The following HORMAD2 variants were observed in gnomAD, a reference collection of about 807,000 sequenced individuals.
HORMAD2 encodes the protein HORMA domain containing 2.
A neutral mutation model predicts 38.8 loss-of-function variants in HORMAD2; 45 were observed. That is an observed-to-expected ratio of 1.16 (90% confidence interval 0.91 to 1.49). HORMAD2 has a LOEUF of 1.49. Ranked by LOEUF, HORMAD2 falls within the 40% of genes most tolerant of loss-of-function variation. The pLI is 0.00. For synonymous variants in HORMAD2, 126 were observed against 122.8 expected (o/e 1.03, Z -0.17); for missense variants, 338 against 367.0 (o/e 0.92, Z 0.65).
intron 10 of HORMAD2, among the ~76,000 whole-genome samples, chr22:30,141,474 G>A: frequency 6.6e-6 from 1 of 152,042 alleles, no homozygotes; most frequent in South Asian, 2.1e-4. Context: ...CACCTGAGCA[G>A]TATACACTGT....
chr22:30,106,034 A>T (rs1372419944), intron 5 of HORMAD2, among the ~76,000 whole-genome samples: 1 of 152,100 alleles, frequency 6.6e-6, no homozygotes, highest in Non-Finnish European at 1.5e-5. Flanking sequence ...AGTGTGTGGC[A>T]GAGTCTTACT....
chr22:30,103,918 C>G (rs994061508), intron 4 of HORMAD2, among the ~76,000 whole-genome samples: 1 of 151,560 alleles, frequency 6.6e-6, no homozygotes, highest in Non-Finnish European at 1.5e-5. Flanking sequence ...CCTTGGCCCC[C>G]CAAAGTGCTG....
chr22:30,167,735 C>T (rs1481344797), intron 10 of HORMAD2, among the ~76,000 whole-genome samples: 1 of 152,158 alleles, frequency 6.6e-6, no homozygotes, highest in African/African-American at 2.4e-5. Flanking sequence ...AAGGAAAGAT[C>T]AACCCCAAAT....
chr22:30,126,314 G>A (rs752349379), intron 10 of HORMAD2, among the ~76,000 whole-genome samples: 2 of 151,896 alleles, frequency 1.3e-5, no homozygotes, highest in Non-Finnish European at 2.9e-5. Flanking sequence ...GACTACAGGC[G>A]CCCGCCACCA....
rs148544829 is a variant in HORMAD2 at position 30,144,553 on chromosome 22, C to T, written c.819+22339C>T. Among the ~76,000 whole-genome samples the T allele has an allele frequency of 5.7e-4, 87 of 152,334 alleles. 2 individuals are homozygous for T. The highest frequency in any genetic ancestry group is 3.4e-3 in the Middle Eastern group (1 of 294). ...CCTTGGAAAAATATCTGAGCCACAG[C>T]TCTGGAGCTAGGTACGGGGACAACG... On this transcript the variant is annotated intron_variant, in intron 10 of 10. Transcript: ENST00000336726.
chr22:30,138,518 A>G (rs1231358051), intron 10 of HORMAD2, among the ~76,000 whole-genome samples: 1 of 152,030 alleles, frequency 6.6e-6, no homozygotes, highest in African/African-American at 2.4e-5. Flanking sequence ...ACTGAGGTGT[A>G]AGAGTTCTTT....
At chr22:30,157,347 T>C (rs896329194) in intron 10 of HORMAD2, among the ~76,000 whole-genome samples, 1 of 152,204 alleles carries the variant, frequency 6.6e-6, no homozygotes, top group African/African-American at 2.4e-5. Context: ...TATATTTATG[T>C]AGTGTCTTTT....
intron 7 of HORMAD2, among the ~76,000 whole-genome samples, chr22:30,113,685 C>T (rs1921832422): frequency 6.6e-6 from 1 of 152,184 alleles, no homozygotes; most frequent in Non-Finnish European, 1.5e-5. Context: ...TGTCTTTCTC[C>T]TAGCTTTCTT....
chr22:30,187,416 T>C, the HORMAD2 span, among the ~76,000 whole-genome samples: 1 of 152,178 alleles, frequency 6.6e-6, no homozygotes, highest in Non-Finnish European at 1.5e-5. Flanking sequence ...GCTATGAGTA[T>C]AATATCTGCT....
chr22:30,141,714 C>A (rs1284785728), intron 10 of HORMAD2, among the ~76,000 whole-genome samples: 2 of 151,866 alleles, frequency 1.3e-5, no homozygotes, highest in Non-Finnish European at 2.9e-5. Flanking sequence ...CCTGCCTCAG[C>A]CTCCCAAGTA....
chr22:30,144,550 C>T (rs1924289808), intron 10 of HORMAD2, among the ~76,000 whole-genome samples: 1 of 152,210 alleles, frequency 6.6e-6, no homozygotes, highest in African/African-American at 2.4e-5. Context: ...ATCTGAGCCA[C>T]AGCTCTGGAG....
intron 10 of HORMAD2, among the ~76,000 whole-genome samples, chr22:30,174,082 C>A (rs1393428773): frequency 6.6e-6 from 1 of 152,188 alleles, no homozygotes; most frequent in East Asian, 1.9e-4. Context: ...GGATACTCTA[C>A]TCCTGAGGCT....
At chr22:30,162,834 C>A (rs1024785766) in intron 10 of HORMAD2, among the ~76,000 whole-genome samples, 6 of 151,600 alleles carry the variant, frequency 4.0e-5, no homozygotes, top group Admixed American at 3.9e-4. Flanking sequence ...TCTAGAGTAG[C>A]TGGGATTACA....
At chr22:30,153,015 T>C (rs1924848437) in intron 10 of HORMAD2, among the ~76,000 whole-genome samples, 1 of 152,184 alleles carries the variant, frequency 6.6e-6, no homozygotes, top group African/African-American at 2.4e-5. Context: ...AGTATGCTCG[T>C]CTTTTTATTC....
At chr22:30,196,060 A>G in the HORMAD2 span, among the ~76,000 whole-genome samples, 21 of 152,318 alleles carry the variant, frequency 1.4e-4, no homozygotes, top group South Asian at 2.7e-3. Flanking sequence ...AATGTCAAAT[A>G]TTGTTCACTC....
chr22:30,097,892 C>T (rs548991779), intron 2 of HORMAD2, among the ~76,000 whole-genome samples: 3 of 152,262 alleles, frequency 2.0e-5, no homozygotes, highest in East Asian at 3.9e-4. Flanking sequence ...AGTATGTCCT[C>T]GGTCAAGCCA....
intron 10 of HORMAD2, among the ~76,000 whole-genome samples, chr22:30,139,416 T>C (rs1388588464): frequency 6.6e-6 from 1 of 150,638 alleles, no homozygotes; most frequent in Non-Finnish European, 1.5e-5. Context: ...CCCTGACTGA[T>C]ACGCTTGCTG....
At chr22:30,165,860 A>G (rs1158443934) in intron 10 of HORMAD2, among the ~76,000 whole-genome samples, 1 of 151,908 alleles carries the variant, frequency 6.6e-6, no homozygotes, top group East Asian at 1.9e-4. Flanking sequence ...TTGTGATATA[A>G]TTTTTAATTA....
upstream of HORMAD2, among the ~76,000 whole-genome samples, chr22:30,079,299 C>T (rs1296768288): frequency 6.6e-6 from 1 of 152,102 alleles, no homozygotes; most frequent in Non-Finnish European, 1.5e-5. Context: ...AGCCACACCC[C>T]CAACTGCTCC....
Sources: gnomAD v4.1 joint callset for allele counts (sites outside exome capture counted in the v4.1 genomes callset) on GRCh38, gnomAD v4.1.1 for gene constraint, MANE v1.5 for transcripts, NCBI Gene and HGNC (gene_info 2026-07-23, HGNC 2026-07-21) for gene names.